SUPT16H: variants seen among roughly 807,000 people sequenced by gnomAD.
SUPT16H encodes the protein SPT16 homolog, facilitates chromatin remodeling subunit.
In SUPT16H, 24 loss-of-function variants were observed where a neutral mutation model predicts 136.2. That is an observed-to-expected ratio of 0.18 (90% confidence interval 0.13 to 0.25). The LOEUF is 0.25. Among genes scored for constraint, SUPT16H ranks in the 10% least tolerant of loss-of-function variants. The pLI, the probability that SUPT16H is intolerant of heterozygous loss-of-function variation, is 1.00. For missense variants in SUPT16H, 623 were observed against 1,270.2 expected, an observed-to-expected ratio of 0.49 and a Z score of 7.74; for synonymous variants, 415 against 428.2, an observed-to-expected ratio of 0.97 and a Z score of 0.38.
At chr14:21,368,946 A>G (rs1335465587) in intron 6 of SUPT16H, among the ~76,000 whole-genome samples, 4 of 152,162 alleles carry the variant, frequency 2.6e-5, no homozygotes, top group Non-Finnish European at 4.4e-5. Context: ...GAGGATGAAA[A>G]GAAGTGGGTT....
rs376636290 is a variant in SUPT16H at position 21,357,201 on chromosome 14, A to G, written c.2656T>C (p.Leu886=). The change falls in exon 22 of 26, where the codon TTG becomes CTG. Residue 886 remains leucine (L), a synonymous_variant. Transcript: ENST00000216297. ...ACTGATGGCAGATTTACTTACTTCA[A>G]CCATTCCTTGATGGGGTCAAGAGAG... ...VASLDPIKEW[L]NSCDLKYTEG... is the part of the protein sequence containing the mutation. The G allele has an allele frequency of 3.1e-5, 49 of 1,591,772 alleles. No individual in the cohort carries two copies. Among genetic ancestry groups the G allele is most frequent in the Non-Finnish European group, 3.9e-5 (46 of 1,169,800 alleles).
chr14:21,372,550 GTCT>G, intron 2 of SUPT16H: 1 of 343,312 alleles, frequency 2.9e-6, no homozygotes, highest in Non-Finnish European at 5.6e-6. Context: ...CTTCAAGCAA[GTCT>G]TCTTAAAAAG....
At chr14:21,378,354 T>C (rs1227352433) in intron 1 of SUPT16H, among the ~76,000 whole-genome samples, 3 of 152,060 alleles carry the variant, frequency 2.0e-5, no homozygotes, top group Admixed American at 1.3e-4. Context: ...TAAAAAACTG[T>C]AGAAAAAAAG....
At chr14:21,375,634 C>T (rs1886884932) in intron 1 of SUPT16H, among the ~76,000 whole-genome samples, 1 of 152,172 alleles carries the variant, frequency 6.6e-6, no homozygotes, top group South Asian at 2.1e-4. Flanking sequence ...CACTCTATCC[C>T]CCAGGCTGGA....
intron 1 of SUPT16H, among the ~76,000 whole-genome samples, chr14:21,376,212 C>T (rs762076381): frequency 1.2e-4 from 18 of 152,062 alleles, no homozygotes; most frequent in Non-Finnish European, 1.5e-4. Flanking sequence ...ACGTTTATTC[C>T]ACTCTTCTAT....
intron 8 of SUPT16H, 117 bp from the exon 9 acceptor site, chr14:21,365,260 C>A: frequency 1.1e-6 from 1 of 903,534 alleles, no homozygotes; most frequent in Middle Eastern, 3.3e-4. Flanking sequence ...AAATGATTTA[C>A]CCCTGCTGAC....
At chr14:21,379,287 T>C (rs551025743) in intron 1 of SUPT16H, among the ~76,000 whole-genome samples, 2 of 151,184 alleles carry the variant, frequency 1.3e-5, no homozygotes, top group African/African-American at 4.9e-5. Context: ...AATACAACAA[T>C]TAGCCGAGCA....
intron 8 of SUPT16H, among the ~76,000 whole-genome samples, chr14:21,365,434 T>C (rs1412231639): frequency 6.6e-6 from 1 of 152,184 alleles, no homozygotes; most frequent in Non-Finnish European, 1.5e-5. Context: ...ATCAAGTCAG[T>C]AGTACTCCTA....
chr14:21,359,790 G>T (rs1886511904), intron 18 of SUPT16H, among the ~76,000 whole-genome samples, 181 bp from the exon 19 acceptor site: 1 of 152,170 alleles, frequency 6.6e-6, no homozygotes, highest in African/African-American at 2.4e-5. Flanking sequence ...AAAAAGTGCT[G>T]TGCTCCTACT....
At chr14:21,368,743 TGA>T (rs1886725423) in intron 6 of SUPT16H, among the ~76,000 whole-genome samples, 1 of 152,196 alleles carries the variant, frequency 6.6e-6, no homozygotes. Context: ...TGTGGGGTTG[TGA>T]GGAGTCACTT....
chr14:21,365,192 T>C (rs772662089), intron 8 of SUPT16H, 49 bp from the exon 9 acceptor site: 17 of 1,516,402 alleles, frequency 1.1e-5, no homozygotes, highest in Non-Finnish European at 1.5e-5. Flanking sequence ...ATCTCTAACA[T>C]GGATCAAGCA....
chr14:21,367,480 T>C (rs560372506), intron 7 of SUPT16H, among the ~76,000 whole-genome samples: 69 of 152,278 alleles, frequency 4.5e-4, no homozygotes, highest in South Asian at 2.1e-3. Context: ...AGTCTAGATA[T>C]GGTGGCCTCA....
intron 22 of SUPT16H, among the ~76,000 whole-genome samples, chr14:21,356,348 T>C (rs908213299): frequency 2.6e-5 from 4 of 152,182 alleles, no homozygotes; most frequent in African/African-American, 9.7e-5. Context: ...TTCCAGTGGA[T>C]TTATTTCCAC....
At chr14:21,365,822 G>A (rs540503608) in intron 8 of SUPT16H, among the ~76,000 whole-genome samples, 1 of 152,088 alleles carries the variant, frequency 6.6e-6, no homozygotes, top group South Asian at 2.1e-4. Context: ...CAAACAAACG[G>A]CCAGGCACAG....
Position 21,354,629 on chromosome 14 carries a change from T to C in SUPT16H, c.2661-89A>G, listed in dbSNP as rs982811711. On this transcript the variant is annotated intron_variant, in intron 22 of 25. Transcript: ENST00000216297. ...TTTTTTGAGACAGAGTCTTGCTCTG[T>C]TGCCCAGGCTGGAGTGCAGTGGCAC... 4.7e-6 allele frequency: 7 copies of C among 1,503,554 alleles called. No individual in the cohort carries two copies. The African/African-American group carries it at 8.3e-5, about 18-fold the overall frequency. The allele number at this position is 1,503,554 out of a possible 1,614,324, so 93.1% of individuals were successfully genotyped here.
At chr14:21,357,505 C>A in intron 21 of SUPT16H, 139 bp from the exon 22 acceptor site, 1 of 780,540 alleles carries the variant, frequency 1.3e-6, no homozygotes, top group Non-Finnish European at 1.8e-6. Flanking sequence ...AAGACTGAGG[C>A]AGTACAACAT....
intron 1 of SUPT16H, among the ~76,000 whole-genome samples, chr14:21,379,293 G>A (rs146524972): frequency 2.6e-5 from 4 of 151,754 alleles, no homozygotes; most frequent in East Asian, 2.0e-4. Flanking sequence ...ACAATTAGCC[G>A]AGCATGGTGG....
chr14:21,375,487 C>CA (rs2139416740), intron 1 of SUPT16H, among the ~76,000 whole-genome samples: 1 of 1,420 alleles, frequency 7.0e-4, no homozygotes, highest in African/African-American at 4.5e-3. Flanking sequence ...ATTCTAGACA[C>CA]AGGATCTGCA....
chr14:21,352,692 G>C lies in SUPT16H; in HGVS notation c.3125C>G (p.Pro1042Arg), dbSNP rs1239770576. The C allele has an allele frequency of 3.7e-6, 6 of 1,613,954 alleles. No homozygotes were observed. Among genetic ancestry groups the C allele is most frequent in the East Asian group, 2.2e-5 (1 of 44,902 alleles). The stretch of plus-strand genomic sequence containing the variant: ...CAGAAGTTACTTCCTCTTTTTCTTG[G>C]GGGGTGCAGAGCTGTGTCTGGAACC... ...NRGSRHSSAP[P>R]KKKRK The change falls in exon 26 of 26, where the codon CCC becomes CGC. Residue 1042 changes from proline to arginine, a missense_variant. By Grantham distance (103) the Pro-to-Arg change is moderately radical (BLOSUM62 -2). Transcript: ENST00000216297.
Sources: gnomAD v4.1 joint callset for allele counts (sites outside exome capture counted in the v4.1 genomes callset) on GRCh38, gnomAD v4.1.1 for gene constraint, MANE v1.5 for transcripts, NCBI Gene and HGNC (gene_info 2026-07-23, HGNC 2026-07-21) for gene names.